Variants in TRPV6 observed in about 807,000 individuals in gnomAD.
The protein encoded by TRPV6 is Alu-binding protein with zinc finger domain.
TRPV6 carries 39 observed loss-of-function variants against 79.0 expected under a neutral mutation model. That is an observed-to-expected ratio of 0.49 (90% CI 0.38 to 0.64). TRPV6 has a LOEUF of 0.64. Ranked by LOEUF, TRPV6 falls within the 30% of genes least tolerant of loss-of-function variation. TRPV6 has a pLI of 0.00. For synonymous variants in TRPV6, 373 were observed against 391.9 expected (o/e 0.95, Z 0.57); for missense variants, 813 against 1,011.1 (o/e 0.80, Z 2.66).
chr7:142,877,204 C>T lies in TRPV6; in HGVS notation c.545G>A (p.Ser182Asn), dbSNP rs752567681. 3 of 1,614,234 alleles carry T rather than the reference C, an allele frequency of 1.9e-6. No homozygotes were observed. The highest frequency in any genetic ancestry group is 2.5e-6 in the Non-Finnish European group (3 of 1,180,042). Residue 182 changes from serine (S) to asparagine (N), a missense_variant, in exon 4 of 15, where the codon AGT becomes AAT. Ser to Asn is a conservative substitution (Grantham distance 46). Around this residue, in one of 3 missense-constraint regions of TRPV6, gnomAD observed 555 missense variants for 631.0 expected, o/e 0.88. Coordinates refer to ENST00000359396, the MANE Select transcript of TRPV6 (RefSeq NM_018646.6). The stretch of plus-strand genomic sequence containing the variant: ...AGTGCCTGTGGCTCTGGCAGAGACA[C>T]TGGCCCTGCGGGCAAGCAGGGCTCG...
chr7:142,871,535 G>C lies in TRPV6; in HGVS notation c.*172C>G, dbSNP rs1424590570. The C allele has an allele frequency of 1.2e-6, 1 of 810,528 alleles. No homozygotes were observed. The highest frequency in any genetic ancestry group is 3.1e-4 in the Middle Eastern group (1 of 3,260). The allele number at this position is 810,528 out of a possible 1,614,324, so 50.2% of individuals were successfully genotyped here. On this transcript the variant is annotated 3_prime_UTR_variant, in exon 15 of 15. Coordinates refer to ENST00000359396, the MANE Select transcript of TRPV6 (RefSeq NM_018646.6). ...CTTCCTCTGCCCCAGAGCTGAAGGA[G>C]TAATGCAGGCCTGGAGCAGTGATTC...
At chr7:142,883,260 T>G (rs1795230067) in intron 1 of TRPV6, 1 of 152,056 alleles carries the variant, frequency 6.6e-6, no homozygotes, top group Admixed American at 6.6e-5. Context: ...ATCCCAGCAA[T>G]GTAGATTTAA....
rs1249675057 is a variant in TRPV6 at position 142,871,419 on chromosome 7, G to C, written c.*288C>G. The C allele has an allele frequency of 6.4e-6, 3 of 472,398 alleles. No individual in the cohort carries two copies. Among genetic ancestry groups the C allele is most frequent in the Non-Finnish European group, 1.1e-5 (3 of 263,178 alleles). The allele number at this position is 472,398 out of a possible 1,614,324, so 29.3% of individuals were successfully genotyped here. On this transcript the variant is annotated 3_prime_UTR_variant, in exon 15 of 15. Transcript: ENST00000359396. The stretch of plus-strand genomic sequence containing the variant: ...CCAAGCAGGCTGGCCTGTTTTTAAA[G>C]TGCTCTGACATGCAGTGCTCCTGTC...
chr7:142,876,870 TGCAGGATG>T (rs773575341), intron 4 of TRPV6, 33 bp from the exon 5 acceptor site: 1 of 1,612,070 alleles, frequency 6.2e-7, no homozygotes, highest in Non-Finnish European at 8.5e-7. Flanking sequence ...GGTAGGAGAG[TGCAGGATG>T]GCAGGATGGG....
chr7:142,871,843 A>G lies in TRPV6; in HGVS notation c.2162T>C (p.Met721Thr), dbSNP rs4987682. 152,562 of 1,613,972 alleles carry G rather than the reference A, an allele frequency of 0.095. 15,697 individuals are homozygous for G. The highest frequency in any genetic ancestry group is 0.54 in the African/African-American group (40,656 of 74,938). Residue 721 changes from methionine (M) to threonine (T), a missense_variant, in exon 15 of 15, where the codon ATG (methionine) becomes ACG (threonine). Transcript: ENST00000359396. ...GGAGGTACTTCGAGACACTGAGGGC[A>G]TAGGAAGGGACAGGTGGGGGCTGAA...
At position 142,871,613 on chromosome 7, in the gene TRPV6, G is replaced by T. The variant is rs1010230247; in HGVS notation, c.*94C>A. 12 of 1,449,272 alleles carry T rather than the reference G, an allele frequency of 8.3e-6. No homozygotes were observed. The highest frequency in any genetic ancestry group is 2.2e-5 in the Admixed American group (1 of 45,632). The allele number at this position is 1,449,272 out of a possible 1,614,324, so 89.8% of individuals were successfully genotyped here. Reference sequence around the variant, plus strand: ...TACTCCTCTTTCTCCCCTGGGGCCTGGGAGATGAGACCTCTGGGTGTTTGG... The same window carrying T: ...TACTCCTCTTTCTCCCCTGGGGCCTTGGAGATGAGACCTCTGGGTGTTTGG... On this transcript the variant is annotated 3_prime_UTR_variant, in exon 15 of 15. Transcript: ENST00000359396.
intron 1 of TRPV6, chr7:142,883,072 T>G (rs1003745791): frequency 6.6e-6 from 1 of 152,148 alleles, no homozygotes; most frequent in Non-Finnish European, 1.5e-5. Context: ...TAAACTTTGG[T>G]CATAGGAATG....
intron 1 of TRPV6, chr7:142,882,594 C>T (rs1247244805): frequency 6.6e-6 from 1 of 152,154 alleles, no homozygotes; most frequent in Non-Finnish European, 1.5e-5. Flanking sequence ...CCACCTCCCT[C>T]CAGCTCATGT....
chr7:142,876,582 T>G lies in TRPV6; in HGVS notation c.708A>C (p.Gly236=), dbSNP rs1477088717. ...GGATGAGGATGTGTAACACTGTGTTTCCTGGGGAGGACACAGGGTATCATG... is the reference window on the plus strand; with the variant it reads ...GGATGAGGATGTGTAACACTGTGTTGCCTGGGGAGGACACAGGGTATCATG... The change falls in exon 6 of 15, where the codon GGA becomes GGC. Residue 236 remains glycine, a splice_region_variant and synonymous_variant. Transcript: ENST00000359396. 1 of 1,614,020 alleles carries G rather than the reference T, an allele frequency of 6.2e-7. No homozygotes were observed. Among genetic ancestry groups the G allele is most frequent in the Non-Finnish European group, 8.5e-7 (1 of 1,179,960 alleles).
chr7:142,874,785 A>G, intron 10 of TRPV6, 119 bp downstream of exon 10: 2 of 1,554,342 alleles, frequency 1.3e-6, no homozygotes, highest in Non-Finnish European at 1.8e-6. Flanking sequence ...GCCCAGGGTC[A>G]TACACACAGC....
intron 1 of TRPV6, chr7:142,880,881 T>G (rs1307009808): frequency 6.6e-6 from 1 of 152,126 alleles, no homozygotes; most frequent in Non-Finnish European, 1.5e-5. Flanking sequence ...AAATTTAAAT[T>G]GAACTGAGTG....
intron 14 of TRPV6, 149 bp from the exon 15 acceptor site, chr7:142,872,138 GC>G: frequency 1.6e-6 from 2 of 1,233,350 alleles, no homozygotes; most frequent in South Asian, 1.6e-5. Context: ...TGGGTCACTG[GC>G]CCCTTGGCAG....
chr7:142,884,645 G>C (rs1401753122), intron 1 of TRPV6: 2 of 152,236 alleles, frequency 1.3e-5, no homozygotes, highest in African/African-American at 4.8e-5. Context: ...AGCCACCAGT[G>C]AATGTCCTTA....
intron 14 of TRPV6, 48 bp from the exon 15 acceptor site, chr7:142,872,037 G>A (rs778759775): frequency 1.3e-6 from 2 of 1,532,826 alleles, no homozygotes; most frequent in African/African-American, 2.8e-5. Context: ...TTGAAGAACA[G>A]ATCCAAGAAG....
chr7:142,875,021 A>C, intron 9 of TRPV6, 41 bp from the exon 10 acceptor site: 1 of 1,614,076 alleles, frequency 6.2e-7, no homozygotes, highest in South Asian at 1.1e-5. Flanking sequence ...CAGATACCGG[A>C]ACTTGGGCTG....
rs139115329 is a variant in TRPV6, at chr7:142,877,235, G to T, written c.514C>A (p.Leu172Met). ...CTGCGGGCAAGCAGGGCTCGCACCA[G>T]GTTCATGTTCTGGTTCACAACAGCG... Residue 172 changes from leucine to methionine, a missense_variant, in exon 4 of 15, where the codon CTG (leucine) becomes ATG (methionine). By Grantham distance (15) the Leu-to-Met change is conservative (BLOSUM62 2). Around this residue, in one of 3 missense-constraint regions of TRPV6, gnomAD observed 555 missense variants for 631.0 expected, o/e 0.88. Transcript: ENST00000359396. 3.8e-5 allele frequency: 61 copies of T among 1,614,122 alleles called. No homozygotes were observed. The highest frequency in any genetic ancestry group is 4.7e-5 in the Non-Finnish European group (56 of 1,180,048).
chr7:142,873,688 G>A lies in TRPV6; in HGVS notation c.1668C>T (p.Asp556=), dbSNP rs1794993224. 2 of 1,614,064 alleles carry A rather than the reference G, an allele frequency of 1.2e-6. No homozygotes were observed. Among genetic ancestry groups the A allele is most frequent in the Non-Finnish European group, 1.7e-6 (2 of 1,180,034 alleles). Residue 556 remains aspartate (D), a synonymous_variant, in exon 13 of 15, where the codon GAC becomes GAT. Transcript: ENST00000359396. This position sits in a 1 kb window ranked among gnomAD's most constrained non-coding sequence, Gnocchi z 4.8. ...CGTAGAAGTGGCCTAGCTCCTCGGG[G>A]TCCTCTGTCTGGAAGATGATATAGA...
At chr7:142,881,591 T>C (rs1795192339) in intron 1 of TRPV6, 3 of 152,186 alleles carry the variant, frequency 2.0e-5, no homozygotes, top group South Asian at 4.1e-4. Flanking sequence ...TGTAACAATA[T>C]GAAAGGTATT....
rs1794966266 is a variant in TRPV6 at position 142,872,554 on chromosome 7, T to G, written c.1909-76A>C. 4.9e-6 allele frequency: 7 copies of G among 1,443,146 alleles called. No homozygotes were observed. The South Asian group carries it at 8.5e-5, about 18-fold the overall frequency. 89.4% of individuals were successfully genotyped at this position (1,443,146 alleles called of 1,614,324 possible). A position where few individuals can be genotyped will look rare whatever the true frequency, so the allele number is the denominator to read the frequency against. On this transcript the variant is annotated intron_variant, in intron 13 of 14. Coordinates refer to ENST00000359396, the MANE Select transcript of TRPV6 (RefSeq NM_018646.6). The stretch of plus-strand genomic sequence containing the variant: ...GAGGTAGGGGTAGGGCAGCCTTTGT[T>G]GACCTTCTTCAGTGGGAGAGAGTTG...
Sources: gnomAD v4.1 joint callset for allele counts on GRCh38, gnomAD v4.1.1 for gene constraint, gnomAD v4.1.1 regional missense constraint, Gnocchi (gnomAD v3.1) non-coding constraint, MANE v1.5 for transcripts, NCBI Gene and HGNC (gene_info 2026-07-23, HGNC 2026-07-21) for gene names.